Variants in PRKCH observed in about 807,000 individuals in gnomAD.
PRKCH encodes protein kinase C eta.
PRKCH carries 28 observed loss-of-function variants against 82.5 expected under a neutral mutation model. The observed-to-expected ratio is 0.34, with a 90% CI of 0.25 to 0.47. The LOEUF is 0.47. PRKCH is among the 20% of genes least tolerant of loss of function. The pLI is 1.00. For synonymous variants in PRKCH, 322 were observed against 327.4 expected (o/e 0.98, Z 0.18); for missense variants, 705 against 881.8 (o/e 0.80, Z 2.54).
chr14:61,284,433 A>T lies in PRKCH; in HGVS notation c.-19+96765A>T, dbSNP rs142287382. Among the ~76,000 whole-genome samples, 462 of 152,328 alleles carry T rather than the reference A, an allele frequency of 3.0e-3. 3 individuals are homozygous for T. The highest frequency in any genetic ancestry group is 2.7e-3 in the Non-Finnish European group (182 of 68,022). ...TAGATTGGCAGTCCTAATAATGTTA[A>T]TTGGCAGGTGCCGTGAAAGCTGGGA... is the stretch of plus-strand genomic sequence containing the variant. On this transcript the variant is annotated intron_variant, in intron 1 of 3. Coordinates refer to the PRKCH transcript ENST00000555185.
intron 10 of PRKCH, among the ~76,000 whole-genome samples, chr14:61,514,512 CAG>C (rs1438783212): frequency 4.6e-5 from 7 of 152,078 alleles, no homozygotes; most frequent in Admixed American, 2.0e-4. Flanking sequence ...ATCCCCAAGA[CAG>C]GGGACCTCTG....
intron 9 of PRKCH, among the ~76,000 whole-genome samples, chr14:61,471,316 A>AT (rs1885494233): frequency 6.6e-6 from 1 of 152,194 alleles, no homozygotes; most frequent in African/African-American, 2.4e-5. Context: ...ATGGAATGGC[A>AT]TGAGTTCAGT....
chr14:61,333,956 C>T (rs922672802), intron 1 of PRKCH, among the ~76,000 whole-genome samples: 12 of 152,106 alleles, frequency 7.9e-5, no homozygotes, highest in Admixed American at 2.0e-4. Context: ...TCTGGGTCCC[C>T]GTGACCCAGC....
chr14:61,422,969 T>A (rs780708078), intron 2 of PRKCH, among the ~76,000 whole-genome samples: 12 of 152,236 alleles, frequency 7.9e-5, no homozygotes, highest in Non-Finnish European at 1.3e-4. Flanking sequence ...CAAATATCCA[T>A]ATTTCTTAAG....
intron 1 of PRKCH, among the ~76,000 whole-genome samples, chr14:61,335,146 A>G (rs1331643501): frequency 2.0e-5 from 3 of 152,180 alleles, no homozygotes; most frequent in Non-Finnish European, 4.4e-5. Context: ...GTACTGGCTG[A>G]GGATAGACAC....
intron 2 of PRKCH, among the ~76,000 whole-genome samples, chr14:61,431,353 G>A (rs999830796): frequency 7.9e-5 from 12 of 152,182 alleles, no homozygotes; most frequent in Admixed American, 4.6e-4. Flanking sequence ...CAAGTCAAGC[G>A]TCGGACAGGG....
chr14:61,547,953 G>T, intron 13 of PRKCH, 67 bp downstream of exon 13: 3 of 1,569,810 alleles, frequency 1.9e-6, no homozygotes, highest in South Asian at 1.2e-5. Context: ...ACCAAAGTCC[G>T]TAGAAGAGCT....
intron 2 of PRKCH, among the ~76,000 whole-genome samples, chr14:61,438,702 G>A (rs1002721498): frequency 6.6e-6 from 1 of 152,088 alleles, no homozygotes; most frequent in African/African-American, 2.4e-5. Context: ...ACCAACACAA[G>A]TTTCAGTCCA....
chr14:61,453,404 G>C (rs554525178), intron 7 of PRKCH, 51 bp downstream of exon 7: 1 of 1,589,542 alleles, frequency 6.3e-7, no homozygotes, highest in African/African-American at 1.3e-5. Context: ...TTGCTCAGAT[G>C]TGATGAGCCC....
rs114416617 is a variant in PRKCH at position 61,321,912 on chromosome 14, G to A, written c.-190G>A. ...GCTCCCCTCCTTTCCACCTCGGGAGGGAGGGAAGGAGGGGAGGGAAAAGTC... is the reference window on the plus strand; with the variant it reads ...GCTCCCCTCCTTTCCACCTCGGGAGAGAGGGAAGGAGGGGAGGGAAAAGTC... On this transcript the variant is annotated 5_prime_UTR_variant, in exon 1 of 14. Transcript: ENST00000332981. This position sits in a 1 kb window ranked among gnomAD's most constrained non-coding sequence, Gnocchi z 4.1. 0.018 allele frequency: 9,975 copies of A among 563,564 alleles called. 190 individuals carry two copies. The highest frequency in any genetic ancestry group is 0.064 in the African/African-American group (3,347 of 52,602). The allele number at this position is 563,564 out of a possible 1,614,324, so 34.9% of individuals were successfully genotyped here. A position where few individuals can be genotyped will look rare whatever the true frequency, so the allele number is the denominator to read the frequency against.
intron 1 of PRKCH, among the ~76,000 whole-genome samples, chr14:61,356,590 G>A (rs759144715): frequency 4.6e-5 from 7 of 152,180 alleles, no homozygotes; most frequent in Non-Finnish European, 8.8e-5. Context: ...TTGAACTGCA[G>A]CAGTAGTGTT....
At chr14:61,255,373 G>A (rs2044988148) in intron 1 of PRKCH, among the ~76,000 whole-genome samples, 1 of 152,222 alleles carries the variant, frequency 6.6e-6, no homozygotes, top group East Asian at 1.9e-4. Context: ...ACTCCCCAGA[G>A]AGGTCTTGAG....
chr14:61,259,499 G>A (rs2045027696), intron 1 of PRKCH, among the ~76,000 whole-genome samples: 1 of 152,218 alleles, frequency 6.6e-6, no homozygotes, highest in South Asian at 2.1e-4. Flanking sequence ...ATCACCTGGA[G>A]ATCTTGTTAA....
intron 1 of PRKCH, among the ~76,000 whole-genome samples, chr14:61,312,523 C>A (rs1365840232): frequency 6.6e-6 from 1 of 152,188 alleles, no homozygotes; most frequent in Non-Finnish European, 1.5e-5. Context: ...GGTCCATTTT[C>A]ATACTGCTAT....
chr14:61,420,339 A>G (rs539025793), intron 2 of PRKCH, among the ~76,000 whole-genome samples: 2 of 152,230 alleles, frequency 1.3e-5, no homozygotes, highest in African/African-American at 4.8e-5. Flanking sequence ...TTCCTCCCTT[A>G]GAATGATGAA....
intron 10 of PRKCH, among the ~76,000 whole-genome samples, chr14:61,498,086 C>T (rs1000982777): frequency 6.6e-6 from 1 of 152,130 alleles, no homozygotes; most frequent in Non-Finnish European, 1.5e-5. Context: ...TTGATCTCAG[C>T]TCACTGCAGC....
intron 9 of PRKCH, among the ~76,000 whole-genome samples, chr14:61,465,303 C>T (rs1308575298): frequency 1.3e-5 from 2 of 152,168 alleles, no homozygotes; most frequent in Non-Finnish European, 2.9e-5. Flanking sequence ...TTGCCTATGC[C>T]TGTGTCACAG....
intron 10 of PRKCH, among the ~76,000 whole-genome samples, chr14:61,521,621 G>C (rs1019901135): frequency 6.6e-6 from 1 of 151,628 alleles, no homozygotes; most frequent in Non-Finnish European, 1.5e-5. Flanking sequence ...AGGCTGGAGT[G>C]CAATGGTGTG....
At chr14:61,502,880 G>C (rs1886981117) in intron 10 of PRKCH, among the ~76,000 whole-genome samples, 1 of 152,046 alleles carries the variant, frequency 6.6e-6, no homozygotes, top group African/African-American at 2.4e-5. Flanking sequence ...CCGAGCAGCA[G>C]AGGAAGGCAG....
Sources: gnomAD v4.1 joint callset for allele counts (sites outside exome capture counted in the v4.1 genomes callset) on GRCh38, gnomAD v4.1.1 for gene constraint, Gnocchi (gnomAD v3.1) non-coding constraint, MANE v1.5 for transcripts, NCBI Gene and HGNC (gene_info 2026-07-23, HGNC 2026-07-21) for gene names.